The following SSH2 variants were observed in gnomAD, a reference collection of about 807,000 sequenced individuals.
The protein encoded by SSH2 is protein phosphatase Slingshot homolog 2.
In SSH2, 37 loss-of-function variants were observed where a neutral mutation model predicts 135.2. The observed-to-expected ratio is 0.27, with a 90% confidence interval of 0.21 to 0.36. The LOEUF (loss-of-function observed/expected upper bound fraction) is 0.36, where lower values mean the gene tolerates loss of function less well. Ranked by LOEUF, SSH2 falls within the 10% of genes least tolerant of loss-of-function variation. The probability of loss-of-function intolerance (pLI) is 1.00; values close to 1 mark genes in which losing one functional copy is unlikely to be tolerated. For synonymous variants in SSH2, 628 were observed against 646.2 expected (o/e 0.97, Z 0.43); for missense variants, 1,408 against 1,765.3 (o/e 0.80, Z 3.63).
chr17:29,821,637 T>A (rs959889482), intron 2 of SSH2, among the ~76,000 whole-genome samples: 5 of 150,902 alleles, frequency 3.3e-5, no homozygotes, highest in Admixed American at 3.3e-4. Context: ...ACTAACCTGA[T>A]AACCAAGTCT....
rs567650190 is a variant in SSH2, at chr17:29,812,773, C to T, written c.145-18836G>A. On this transcript the variant is annotated intron_variant, in intron 2 of 15. Coordinates refer to ENST00000540801, the MANE Select transcript of SSH2 (RefSeq NM_001282129.2). ...GGCATGGTGGCGGGCGCCTGTAGTCCCAGCTACTCGGGAGGCTGAGGCAGG... is the reference window on the plus strand; with the variant it reads ...GGCATGGTGGCGGGCGCCTGTAGTCTCAGCTACTCGGGAGGCTGAGGCAGG... Among the ~76,000 whole-genome samples the T allele has an allele frequency of 3.3e-5, 5 of 151,984 alleles. No individual in the cohort carries two copies. The South Asian group carries it at 8.3e-4, about 25-fold the overall frequency.
Position 29,913,347 on chromosome 17 carries a change from A to AAAAAAAAAAAAAAAAAATTATATAT in SSH2, c.63+16590_63+16591insATATATAATTTTTTTTTTTTTTTTT. 1.7e-4 allele frequency among the ~76,000 whole-genome samples: 5 copies of AAAAAAAAAAAAAAAAAATTATATAT among 28,786 alleles called. 1 individual carries two copies. Among genetic ancestry groups the AAAAAAAAAAAAAAAAAATTATATAT allele is most frequent in the Admixed American group, 7.3e-4 (1 of 1,362 alleles). The allele number at this position is 28,786 out of a possible 152,430, so 18.9% of individuals were successfully genotyped here. A position where few individuals can be genotyped will look rare whatever the true frequency, so the allele number is the denominator to read the frequency against. On this transcript the variant is annotated intron_variant, in intron 1 of 15. Coordinates refer to ENST00000540801, the MANE Select transcript of SSH2 (RefSeq NM_001282129.2). ...AAAAAAAAAAAAAAAAAAAAAAAAA[A>AAAAAAAAAAAAAAAAAATTATATAT]ATATATATATATATATATATATATA...
chr17:29,741,159 G>C (rs999842054), intron 3 of SSH2, among the ~76,000 whole-genome samples: 1 of 152,182 alleles, frequency 6.6e-6, no homozygotes, highest in African/African-American at 2.4e-5. Flanking sequence ...TCTTCAAGTA[G>C]CTCAGGTGAA....
At chr17:29,734,011 TG>T (rs976966556) in intron 3 of SSH2, among the ~76,000 whole-genome samples, 8 of 150,988 alleles carry the variant, frequency 5.3e-5, no homozygotes, top group African/African-American at 1.9e-4. Flanking sequence ...CTCCACCTCC[TG>T]GGTTCAAGCG....
chr17:29,865,888 G>A (rs1381936592), intron 1 of SSH2, among the ~76,000 whole-genome samples: 3 of 152,212 alleles, frequency 2.0e-5, no homozygotes, highest in African/African-American at 4.8e-5. Context: ...ATTACCTGAG[G>A]TCAGGAGTTC....
intron 1 of SSH2, among the ~76,000 whole-genome samples, chr17:29,910,825 C>T (rs951449563): frequency 6.6e-6 from 1 of 151,986 alleles, no homozygotes; most frequent in Non-Finnish European, 1.5e-5. Flanking sequence ...ACAATTCAAA[C>T]TGAAAAAAAA....
intron 6 of SSH2, among the ~76,000 whole-genome samples, chr17:29,679,801 T>A (rs139321600): frequency 3.0e-4 from 45 of 152,244 alleles, no homozygotes; most frequent in African/African-American, 8.2e-4. Context: ...TGTACTGTTT[T>A]GAAGATTAAA....
intron 6 of SSH2, among the ~76,000 whole-genome samples, chr17:29,679,279 G>A (rs928522205): frequency 1.3e-5 from 2 of 152,112 alleles, no homozygotes; most frequent in African/African-American, 2.4e-5. Flanking sequence ...AAAGAATCTG[G>A]CATAACCATA....
intron 1 of SSH2, among the ~76,000 whole-genome samples, chr17:29,908,669 CAGG>C (rs2066701311): frequency 6.9e-6 from 1 of 145,546 alleles, no homozygotes; most frequent in South Asian, 2.2e-4. Context: ...GAGGCTGAAG[CAGG>C]AGAACTGCTT....
intron 4 of SSH2, among the ~76,000 whole-genome samples, chr17:29,702,213 T>C (rs2151122511): frequency 6.6e-6 from 1 of 151,916 alleles, no homozygotes; most frequent in Non-Finnish European, 1.5e-5. Flanking sequence ...ATTAGCTGCA[T>C]GTGGTGGTGC....
intron 2 of SSH2, among the ~76,000 whole-genome samples, chr17:29,814,238 G>A (rs1316663356): frequency 1.4e-5 from 2 of 141,866 alleles, no homozygotes; most frequent in South Asian, 2.3e-4. Context: ...GTTCGAGACC[G>A]TCCTGGCTAA....
intron 3 of SSH2, among the ~76,000 whole-genome samples, chr17:29,743,065 G>A (rs750055561): frequency 3.3e-5 from 5 of 152,122 alleles, no homozygotes; most frequent in Admixed American, 6.5e-5. Flanking sequence ...TTGAGTAGCT[G>A]GGATTACAGG....
At chr17:29,855,525 T>C (rs1439567060) in intron 1 of SSH2, among the ~76,000 whole-genome samples, 3 of 151,948 alleles carry the variant, frequency 2.0e-5, no homozygotes, top group African/African-American at 7.3e-5. Context: ...AAGAAAAATA[T>C]ACTATCAGAC....
At chr17:29,757,554 A>G (rs1248391277) in intron 3 of SSH2, among the ~76,000 whole-genome samples, 1 of 151,994 alleles carries the variant, frequency 6.6e-6, no homozygotes, top group Non-Finnish European at 1.5e-5. Flanking sequence ...ATACTAATAA[A>G]TACAGTTTAG....
At chr17:29,651,516 A>G (rs1374841534) in intron 12 of SSH2, among the ~76,000 whole-genome samples, 2 of 152,236 alleles carry the variant, frequency 1.3e-5, no homozygotes, top group African/African-American at 4.8e-5. Flanking sequence ...CTCACTGCAC[A>G]ATCTCAATAA....
At chr17:29,696,203 ACACACAT>A (rs1367566665) in intron 4 of SSH2, among the ~76,000 whole-genome samples, 2 of 140,452 alleles carry the variant, frequency 1.4e-5, no homozygotes, top group African/African-American at 5.0e-5. Context: ...ACACACACAC[ACACACAT>A]ATGTATATAC....
chr17:29,718,432 A>C (rs1598870050), intron 3 of SSH2, among the ~76,000 whole-genome samples: 1 of 152,080 alleles, frequency 6.6e-6, no homozygotes, highest in Non-Finnish European at 1.5e-5. Context: ...AAAGCCTAAA[A>C]CCACAAAAAA....
intron 1 of SSH2, among the ~76,000 whole-genome samples, chr17:29,924,180 T>C (rs967632682): frequency 1.3e-4 from 20 of 152,224 alleles, no homozygotes; most frequent in African/African-American, 4.8e-4. Flanking sequence ...TCACTTTTTT[T>C]TTCTCTGTCA....
intron 11 of SSH2, among the ~76,000 whole-genome samples, chr17:29,664,570 C>A (rs1037186677): frequency 6.6e-6 from 1 of 151,862 alleles, no homozygotes; most frequent in Non-Finnish European, 1.5e-5. Flanking sequence ...CATGGCTCAC[C>A]GCAGCCTCAA....
Sources: allele counts gnomAD v4.1 joint callset (sites outside exome capture counted in the v4.1 genomes callset), GRCh38; gene constraint gnomAD v4.1.1; transcripts MANE v1.5; gene names NCBI Gene and HGNC (gene_info 2026-07-23, HGNC 2026-07-21).